The following PPP2R3B variants were observed in gnomAD, a reference collection of about 807,000 sequenced individuals.
PPP2R3B encodes the protein serine/threonine-protein phosphatase 2A regulatory subunit B'' subunit beta.
A neutral mutation model predicts 72.9 loss-of-function variants in PPP2R3B; 68 were observed. The ratio of observed to expected loss-of-function variants is 0.93; its 90% CI spans 0.77 to 1.14. PPP2R3B has a LOEUF of 1.14. Ranked by LOEUF, PPP2R3B falls within the 50% of genes most tolerant of loss-of-function variation. PPP2R3B has a pLI of 0.00. For missense variants in PPP2R3B, 1,018 were observed against 842.0 expected, an observed-to-expected ratio of 1.21 and a Z score of -2.59; for synonymous variants, 466 against 375.8, an observed-to-expected ratio of 1.24 and a Z score of -2.78.
Position 346,165 on chromosome X carries a change from G to T in PPP2R3B, c.879+9C>A, listed in dbSNP as rs1364351034. The T allele has an allele frequency of 6.5e-7, 1 of 1,548,984 alleles. No homozygotes were observed. ...GGCAGGGGGCAGGGGACAGGGGGCC[G>T]CTCCGCACCTGCAGGAAGGAGCTCC... On this transcript the variant is annotated intron_variant, in intron 6 of 12. Transcript: ENST00000390665.
chrX:361,506 C>A lies in PPP2R3B; in HGVS notation c.409G>T (p.Asp137Tyr), dbSNP rs778959867. The part of the protein sequence containing the change: ...TFYFPRGRPQ[D>Y]SVNVDAVISK... ...ATGACGGCATCCACGTTGACGGAGT[C>A]CTGCGGGCGTCCTCTGGGGAAGTAG... is the stretch of plus-strand genomic sequence containing the variant. Residue 137 changes from aspartate (D) to tyrosine (Y), a missense_variant, in exon 2 of 13, where the codon GAC (aspartate) becomes TAC (tyrosine). Physicochemically the swap from Asp to Tyr is radical, Grantham distance 160 (BLOSUM62 -3). Transcript: ENST00000390665. 8 of 1,614,006 alleles carry A rather than the reference C, an allele frequency of 5.0e-6. No individual in the cohort carries two copies. The South Asian group carries it at 8.8e-5, about 18-fold the overall frequency.
Position 386,708 on chromosome X carries a change from G to C in PPP2R3B, c.-17C>G, listed in dbSNP as rs1191666249. On this transcript the variant is annotated 5_prime_UTR_variant, in exon 1 of 13. Transcript: ENST00000390665. ...GGGCGGCATGGCGGGGGCTGGGCCCGCGGCGCCCCCGGACGCCCGCGCCCC... is the reference window on the plus strand; with the variant it reads ...GGGCGGCATGGCGGGGGCTGGGCCCCCGGCGCCCCCGGACGCCCGCGCCCC... 4.0e-6 allele frequency: 5 copies of C among 1,256,164 alleles called. No individual in the cohort carries two copies. In the African/African-American group the frequency reaches 4.7e-5, roughly 12 times the overall value. 77.8% of individuals were successfully genotyped at this position (1,256,164 alleles called of 1,614,324 possible).
intron 1 of PPP2R3B, among the ~76,000 whole-genome samples, chrX:367,007 GAC>G (rs1355288833): frequency 6.7e-6 from 1 of 150,364 alleles, no homozygotes; most frequent in Non-Finnish European, 1.5e-5. Context: ...CAGCCTGGGT[GAC>G]AGAGTGAGAC....
chrX:340,850 T>C lies in PPP2R3B; in HGVS notation c.1266A>G (p.Arg422=). 1 of 1,612,044 alleles carries C rather than the reference T, an allele frequency of 6.2e-7. No homozygotes were observed. The highest frequency in any genetic ancestry group is 8.5e-7 in the Non-Finnish European group (1 of 1,179,680). ...ELEYFYEEQC[R]RLDSMAIEAL... is the part of the protein sequence containing the mutation. ...CCTCGATGGCCATGCTGTCCAGCCT[T>C]CGGCACTGCTCCTCGTAGAAGTACT... Residue 422 remains arginine, a synonymous_variant, in exon 10 of 13, where the codon CGA becomes CGG. Transcript: ENST00000390665.
At chrX:334,586 C>A in intron 12 of PPP2R3B, 69 bp from the exon 13 acceptor site, 2 of 1,378,532 alleles carry the variant, frequency 1.5e-6, no homozygotes, top group South Asian at 1.7e-5. Context: ...TTCCGGGAAA[C>A]ACAGGCTGCT....
At chrX:358,086 C>T (rs948935272) in intron 2 of PPP2R3B, among the ~76,000 whole-genome samples, 3 of 152,218 alleles carry the variant, frequency 2.0e-5, no homozygotes, top group African/African-American at 7.2e-5. Flanking sequence ...GGCCCTCATT[C>T]AGTCACTCAC....
At chrX:364,535 C>G (rs868066415) in intron 1 of PPP2R3B, among the ~76,000 whole-genome samples, 2 of 121,886 alleles carry the variant, frequency 1.6e-5, no homozygotes, top group Admixed American at 8.1e-5. Flanking sequence ...AAAAAAAAAA[C>G]AGAAAACAAA....
At chrX:341,829 A>G in intron 8 of PPP2R3B, 54 bp downstream of exon 8, 1 of 1,588,834 alleles carries the variant, frequency 6.3e-7, no homozygotes, top group Non-Finnish European at 8.6e-7. Flanking sequence ...GAGGAGAGGG[A>G]CCGGGGTCCT....
chrX:358,667 C>T (rs1224323236), intron 2 of PPP2R3B, among the ~76,000 whole-genome samples: 1 of 141,944 alleles, frequency 7.0e-6, no homozygotes, highest in African/African-American at 2.5e-5. Context: ...CTACCTTAGA[C>T]GGCCACCAAG....
At chrX:384,284 A>C (rs28484822) in intron 1 of PPP2R3B, among the ~76,000 whole-genome samples, 44,021 of 135,984 alleles carry the variant, frequency 0.32, 7,485 homozygotes, top group Non-Finnish European at 0.4. Context: ...CTCTCTCTCT[A>C]TATATATATA....
chrX:382,626 A>C (rs1187313545), intron 1 of PPP2R3B, among the ~76,000 whole-genome samples: 2 of 152,040 alleles, frequency 1.3e-5, no homozygotes, highest in African/African-American at 2.4e-5. Context: ...TGCTTTGAAC[A>C]CCTTTGGAAC....
At chrX:366,473 CA>C (rs1230565667) in intron 1 of PPP2R3B, among the ~76,000 whole-genome samples, 1 of 5,368 alleles carries the variant, frequency 1.9e-4, no homozygotes, top group Non-Finnish European at 2.8e-4. Context: ...GCGGAGGGTG[CA>C]GTGAGCTGAG....
chrX:347,743 C>A (rs367679414), intron 2 of PPP2R3B, 50 bp from the exon 3 acceptor site: 1 of 1,387,030 alleles, frequency 7.2e-7, no homozygotes, highest in Non-Finnish European at 9.7e-7. Flanking sequence ...TGGACGCCGG[C>A]GCTCCTGCTG....
At chrX:375,846 G>A (rs2071981750) in intron 1 of PPP2R3B, among the ~76,000 whole-genome samples, 1 of 152,238 alleles carries the variant, frequency 6.6e-6, no homozygotes, top group Non-Finnish European at 1.5e-5. Flanking sequence ...TGCCACGGCG[G>A]GTGACACACA....
intron 12 of PPP2R3B, 85 bp downstream of exon 12, chrX:338,519 C>T (rs1243050459): frequency 1.3e-5 from 5 of 393,234 alleles, no homozygotes; most frequent in African/African-American, 2.9e-5. Context: ...GCTGCACACA[C>T]ACCCGTCCTC....
At chrX:367,388 T>C (rs1482755446) in intron 1 of PPP2R3B, among the ~76,000 whole-genome samples, 1 of 151,614 alleles carries the variant, frequency 6.6e-6, no homozygotes, top group Non-Finnish European at 1.5e-5. Flanking sequence ...GAGGAAAAGA[T>C]ACTGATTAAT....
chrX:357,778 G>T (rs1325166161), intron 2 of PPP2R3B, among the ~76,000 whole-genome samples: 2 of 152,162 alleles, frequency 1.3e-5, no homozygotes, highest in Admixed American at 6.5e-5. Context: ...CAGCTGAGGG[G>T]GTGGAGTTTG....
At chrX:355,061 G>A (rs1471930093) in intron 2 of PPP2R3B, among the ~76,000 whole-genome samples, 1 of 152,224 alleles carries the variant, frequency 6.6e-6, no homozygotes, top group Non-Finnish European at 1.5e-5. Context: ...CAGACGAGAA[G>A]AGAAAGGCTG....
intron 1 of PPP2R3B, among the ~76,000 whole-genome samples, chrX:372,719 AAGGCCC>A (rs2071893039): frequency 6.6e-6 from 1 of 152,200 alleles, no homozygotes. Context: ...AGCACTTTGG[AAGGCCC>A]AGGTGGGCGA....
Sources: allele counts gnomAD v4.1 joint callset (sites outside exome capture counted in the v4.1 genomes callset), GRCh38; gene constraint gnomAD v4.1.1; transcripts MANE v1.5; gene names NCBI Gene and HGNC (gene_info 2026-07-23, HGNC 2026-07-21).